Variants in PSMA5 observed in about 807,000 individuals in gnomAD.
PSMA5 encodes the protein proteasome subunit alpha type-5.
In PSMA5, 3 loss-of-function variants were observed where a neutral mutation model predicts 34.5. The ratio of observed to expected loss-of-function variants is 0.09; its 90% CI spans 0.04 to 0.22. The LOEUF (loss-of-function observed/expected upper bound fraction) is 0.22. Among genes scored for constraint, PSMA5 ranks in the 10% least tolerant of loss-of-function variants. The pLI is 1.00. For synonymous variants in PSMA5, 88 were observed against 95.8 expected (o/e 0.92, Z 0.47); for missense variants, 120 against 286.1 (o/e 0.42, Z 4.19).
chr1:109,423,686 C>T (rs1654535191), intron 1 of PSMA5, among the ~76,000 whole-genome samples: 1 of 152,130 alleles, frequency 6.6e-6, no homozygotes, highest in Non-Finnish European at 1.5e-5. Context: ...TGACTCATTC[C>T]TCCCCATCTT....
intron 2 of PSMA5, among the ~76,000 whole-genome samples, chr1:109,417,341 A>G (rs1654249473): frequency 6.6e-6 from 1 of 152,234 alleles, no homozygotes. Context: ...AGCCGTAAAG[A>G]AAGTAAAGAA....
intron 1 of PSMA5, chr1:109,425,458 T>C (rs1194342778): frequency 6.6e-6 from 1 of 151,986 alleles, no homozygotes; most frequent in African/African-American, 2.4e-5. Flanking sequence ...TACGAGTCAG[T>C]AAAAAAGATG....
Position 109,400,081 on chromosome 1 carries a change from G to T in PSMA5, c.*1932C>A, listed in dbSNP as rs566322725. 4.6e-5 allele frequency: 7 copies of T among 152,214 alleles called. No individual in the cohort carries two copies. Among genetic ancestry groups the T allele is most frequent in the African/African-American group, 1.7e-4 (7 of 41,524 alleles). The allele number at this position is 152,214 out of a possible 1,614,324, so 9.4% of individuals were successfully genotyped here. A position where few individuals can be genotyped will look rare whatever the true frequency, so the allele number is the denominator to read the frequency against. ...TCAAAGTTCTACCTCTTTGAAGAAT[G>T]CCAATTATAGAAGGTACGAAATTTA... is the stretch of plus-strand genomic sequence containing the variant. On this transcript the variant is annotated 3_prime_UTR_variant, in exon 9 of 9. Coordinates refer to ENST00000271308, the MANE Select transcript of PSMA5 (RefSeq NM_002790.4).
chr1:109,418,727 G>A (rs1290264037), intron 2 of PSMA5, among the ~76,000 whole-genome samples: 2 of 152,062 alleles, frequency 1.3e-5, no homozygotes, highest in Non-Finnish European at 2.9e-5. Flanking sequence ...TTATAGGGAT[G>A]AGCAACAATG....
intron 7 of PSMA5, 99 bp from the exon 8 acceptor site, chr1:109,410,113 A>C: frequency 1.3e-6 from 1 of 772,750 alleles, no homozygotes; most frequent in South Asian, 1.6e-5. Flanking sequence ...GTATTTAGCA[A>C]GTATGTCAAA....
chr1:109,424,746 T>G (rs1431028466), intron 1 of PSMA5, among the ~76,000 whole-genome samples: 1 of 152,136 alleles, frequency 6.6e-6, no homozygotes, highest in Non-Finnish European at 1.5e-5. Context: ...CCCAGCACTT[T>G]GGGAGGCCAA....
At chr1:109,421,835 G>A (rs757072420) in intron 2 of PSMA5, 25 bp downstream of exon 2, 18 of 1,537,386 alleles carry the variant, frequency 1.2e-5, no homozygotes, top group Non-Finnish European at 1.5e-5. Context: ...TGAAATTTCA[G>A]GACCTATGCT....
chr1:109,407,675 G>A (rs1361352563), intron 8 of PSMA5, among the ~76,000 whole-genome samples: 1 of 152,068 alleles, frequency 6.6e-6, no homozygotes, highest in Non-Finnish European at 1.5e-5. Context: ...GTTTCGTGCT[G>A]TTGCCCAGGA....
chr1:109,416,643 CTG>C (rs1654210454), intron 2 of PSMA5, among the ~76,000 whole-genome samples: 1 of 152,232 alleles, frequency 6.6e-6, no homozygotes, highest in African/African-American at 2.4e-5. Flanking sequence ...TGTCTGCAGA[CTG>C]AATGATCATT....
chr1:109,410,790 AC>A (rs1355833171), intron 7 of PSMA5, among the ~76,000 whole-genome samples: 4 of 152,202 alleles, frequency 2.6e-5, no homozygotes, highest in Admixed American at 6.5e-5. Context: ...AACAGACAAA[AC>A]TAATGGAGAG....
chr1:109,418,973 G>A (rs929163912), intron 2 of PSMA5, among the ~76,000 whole-genome samples: 4 of 152,072 alleles, frequency 2.6e-5, no homozygotes, highest in African/African-American at 7.2e-5. Context: ...TGACCAACAT[G>A]GACAAACCCC....
chr1:109,424,352 A>C (rs1654564875), intron 1 of PSMA5, among the ~76,000 whole-genome samples: 1 of 151,290 alleles, frequency 6.6e-6, no homozygotes, highest in African/African-American at 2.4e-5. Flanking sequence ...GATATTTTTT[A>C]ATGTTTAGTA....
intron 1 of PSMA5, among the ~76,000 whole-genome samples, chr1:109,423,356 T>C (rs934153667): frequency 4.6e-5 from 7 of 152,178 alleles, no homozygotes; most frequent in African/African-American, 1.7e-4. Context: ...TGAGAATCAC[T>C]TGAACCCAGG....
chr1:109,419,860 G>T (rs1241996726), intron 2 of PSMA5, among the ~76,000 whole-genome samples: 1 of 150,710 alleles, frequency 6.6e-6, no homozygotes, highest in African/African-American at 2.5e-5. Flanking sequence ...TGTAGTCCCG[G>T]CTACTTTGGG....
chr1:109,420,452 T>C (rs1346688759), intron 2 of PSMA5, among the ~76,000 whole-genome samples: 1 of 152,246 alleles, frequency 6.6e-6, no homozygotes, highest in Admixed American at 6.5e-5. Flanking sequence ...CAATTTAAAG[T>C]GTTGCCTCTG....
intron 2 of PSMA5, among the ~76,000 whole-genome samples, chr1:109,420,464 A>G (rs1654397919): frequency 6.6e-6 from 1 of 152,234 alleles, no homozygotes; most frequent in Non-Finnish European, 1.5e-5. Context: ...TTGCCTCTGA[A>G]AAGCTGAACC....
At chr1:109,409,898 A>T in intron 8 of PSMA5, 30 bp downstream of exon 8, 2 of 1,532,346 alleles carry the variant, frequency 1.3e-6, no homozygotes. Context: ...AAAAAAACCG[A>T]AAAAAATCCA....
chr1:109,408,897 G>A (rs1045961633), intron 8 of PSMA5, among the ~76,000 whole-genome samples: 1 of 151,778 alleles, frequency 6.6e-6, no homozygotes, highest in Non-Finnish European at 1.5e-5. Flanking sequence ...CACCATGTTG[G>A]GCAGGCTGGT....
chr1:109,421,065 G>A (rs1038111975), intron 2 of PSMA5, among the ~76,000 whole-genome samples: 1 of 150,748 alleles, frequency 6.6e-6, no homozygotes, highest in Admixed American at 6.6e-5. Flanking sequence ...GCACACATCT[G>A]TACCCTAGCT....
Sources: allele counts gnomAD v4.1 joint callset (sites outside exome capture counted in the v4.1 genomes callset), GRCh38; gene constraint gnomAD v4.1.1; transcripts MANE v1.5; gene names NCBI Gene and HGNC (gene_info 2026-07-23, HGNC 2026-07-21).